PDE1C: variants seen among roughly 807,000 people sequenced by gnomAD.
PDE1C encodes phosphodiesterase 1C.
Under a neutral mutation model 93.1 loss-of-function variants are expected in PDE1C, and 62 were observed. The ratio of observed to expected loss-of-function variants is 0.67; its 90% CI spans 0.54 to 0.82. The LOEUF is 0.82. PDE1C is among the 40% of genes least tolerant of loss of function. PDE1C has a pLI of 0.00. For synonymous variants in PDE1C, 325 were observed against 310.1 expected, an observed-to-expected ratio of 1.05 and a Z score of -0.50; for missense variants, 742 against 884.6, an observed-to-expected ratio of 0.84 and a Z score of 2.04.
the PDE1C span, among the ~76,000 whole-genome samples, chr7:31,711,795 A>C: frequency 6.6e-6 from 1 of 152,196 alleles, no homozygotes; most frequent in Non-Finnish European, 1.5e-5. Flanking sequence ...CTTTTCAAAC[A>C]AATCTGAGCA....
the PDE1C span, among the ~76,000 whole-genome samples, chr7:31,706,448 G>T: frequency 1.3e-5 from 2 of 152,080 alleles, no homozygotes; most frequent in Non-Finnish European, 2.9e-5. Flanking sequence ...CCAAAAGAAG[G>T]AAAATAATCT....
At chr7:32,060,923 T>C (rs1275023203) in intron 1 of PDE1C, among the ~76,000 whole-genome samples, 1 of 152,204 alleles carries the variant, frequency 6.6e-6, no homozygotes, top group African/African-American at 2.4e-5. Flanking sequence ...GTATACTAAA[T>C]GCAATAAACT....
intron 2 of PDE1C, among the ~76,000 whole-genome samples, chr7:31,990,357 A>T (rs1045743971): frequency 6.6e-6 from 1 of 152,132 alleles, no homozygotes; most frequent in African/African-American, 2.4e-5. Flanking sequence ...GTAAGACATG[A>T]CTTCGCTCTT....
intron 1 of PDE1C, among the ~76,000 whole-genome samples, chr7:32,369,450 A>G (rs1276294050): frequency 2.6e-5 from 4 of 152,228 alleles, no homozygotes; most frequent in African/African-American, 9.6e-5. Flanking sequence ...ATCTCATCCC[A>G]GTTAGTATGG....
At chr7:32,096,555 C>T (rs1302653474) in intron 3 of PDE1C, among the ~76,000 whole-genome samples, 1 of 152,148 alleles carries the variant, frequency 6.6e-6, no homozygotes, top group African/African-American at 2.4e-5. Context: ...GGCTCTGCTC[C>T]TATTCATCAG....
chr7:32,270,715 T>G (rs543544786), intron 1 of PDE1C, among the ~76,000 whole-genome samples: 29 of 152,246 alleles, frequency 1.9e-4, no homozygotes, highest in Admixed American at 3.3e-4. Context: ...TCTTGGGGCA[T>G]GAGGATACAC....
chr7:32,024,198 A>G (rs1389387870), intron 2 of PDE1C, among the ~76,000 whole-genome samples: 1 of 152,154 alleles, frequency 6.6e-6, no homozygotes, highest in Non-Finnish European at 1.5e-5. Flanking sequence ...GTCCAAAGAA[A>G]AGAAGGGAGG....
intron 3 of PDE1C, among the ~76,000 whole-genome samples, chr7:32,166,901 C>A (rs1052123290): frequency 7.9e-5 from 12 of 152,114 alleles, no homozygotes; most frequent in African/African-American, 2.9e-4. Flanking sequence ...AAAGTCTGCC[C>A]AAGCTACTCC....
intron 16 of PDE1C, among the ~76,000 whole-genome samples, chr7:31,807,338 C>A (rs772562895): frequency 1.3e-5 from 2 of 151,856 alleles, no homozygotes; most frequent in Admixed American, 6.6e-5. Context: ...GAATCCTGCT[C>A]ATTAAACAAT....
the PDE1C span, among the ~76,000 whole-genome samples, chr7:31,725,412 G>T: frequency 1.3e-5 from 2 of 152,186 alleles, no homozygotes; most frequent in African/African-American, 4.8e-5. Flanking sequence ...TTTTTGGCAT[G>T]AAAAACTTGT....
intron 2 of PDE1C, among the ~76,000 whole-genome samples, chr7:31,931,421 A>G (rs544500057): frequency 6.6e-6 from 1 of 152,240 alleles, no homozygotes; most frequent in South Asian, 2.1e-4. Context: ...TGCAAAAATC[A>G]TAAGCAATCC....
intron 1 of PDE1C, among the ~76,000 whole-genome samples, chr7:32,260,771 AC>A (rs1810142341): frequency 6.7e-6 from 1 of 149,112 alleles, no homozygotes; most frequent in Non-Finnish European, 1.5e-5. Context: ...TCCCGAAAAG[AC>A]CCCCTTCTTG....
intron 1 of PDE1C, among the ~76,000 whole-genome samples, chr7:32,065,040 C>G (rs574580816): frequency 2.4e-4 from 11 of 45,006 alleles, no homozygotes; most frequent in African/African-American, 8.7e-4. Flanking sequence ...CTACTTCTGA[C>G]GGAACGGCGG....
rs183755840 is a variant in PDE1C, at chr7:31,861,064, G to A, written c.750+3878C>T. ...TGTTCCATTCTCACCAAACCACTGA[G>A]ATGACTCATGTCAAGGTCAACAATG... On this transcript the variant is annotated intron_variant, in intron 7 of 17. Coordinates refer to ENST00000396191, the MANE Select transcript of PDE1C (RefSeq NM_001191057.4). Among the ~76,000 whole-genome samples, 111 of 152,136 alleles carry A rather than the reference G, an allele frequency of 7.3e-4. 2 individuals carry two copies. Among genetic ancestry groups the A allele is most frequent in the African/African-American group, 2.6e-3 (106 of 41,510 alleles).
intron 2 of PDE1C, among the ~76,000 whole-genome samples, chr7:32,171,828 G>C (rs977421339): frequency 1.4e-5 from 2 of 148,028 alleles, no homozygotes; most frequent in African/African-American, 5.0e-5. Context: ...AGCATATAAG[G>C]AAAGTCTGAA....
At chr7:32,220,438 G>A (rs375413706) in intron 1 of PDE1C, among the ~76,000 whole-genome samples, 1 of 152,110 alleles carries the variant, frequency 6.6e-6, no homozygotes, top group African/African-American at 2.4e-5. Context: ...ACTGAGAAGT[G>A]GGAAAGCTGG....
intron 1 of PDE1C, among the ~76,000 whole-genome samples, chr7:32,346,248 T>G (rs1227414668): frequency 6.6e-6 from 1 of 152,232 alleles, no homozygotes; most frequent in Non-Finnish European, 1.5e-5. Context: ...AATTTATCTT[T>G]GAATTTGTGT....
At chr7:31,667,512 C>T in the PDE1C span, among the ~76,000 whole-genome samples, 9,991 of 152,084 alleles carry the variant, frequency 0.066, 668 homozygotes, top group African/African-American at 0.17. Flanking sequence ...TATTGACGCC[C>T]GTGCTATGCT....
chr7:31,618,184 A>G, the PDE1C span, among the ~76,000 whole-genome samples: 1 of 152,160 alleles, frequency 6.6e-6, no homozygotes, highest in Admixed American at 6.5e-5. Flanking sequence ...CCATTTCCCC[A>G]AACTTAAGAT....
Sources: gnomAD v4.1 joint callset for allele counts (sites outside exome capture counted in the v4.1 genomes callset) on GRCh38, gnomAD v4.1.1 for gene constraint, MANE v1.5 for transcripts, NCBI Gene and HGNC (gene_info 2026-07-23, HGNC 2026-07-21) for gene names.